The following DMD variants were observed in gnomAD, a reference collection of about 807,000 sequenced individuals.
DMD encodes the protein dystrophin, also known as mutant dystrophin.
Under a neutral mutation model 330.1 loss-of-function variants are expected in DMD, and 63 were observed. The observed-to-expected ratio is 0.19, with a 90% CI of 0.16 to 0.24. DMD has a LOEUF of 0.24. Ranked by LOEUF, DMD falls within the 10% of genes least tolerant of loss-of-function variation. The probability of loss-of-function intolerance (pLI) is 1.00; values close to 1 mark genes in which losing one functional copy is unlikely to be tolerated. For synonymous variants in DMD, 1,223 were observed against 959.8 expected, an observed-to-expected ratio of 1.27 and a Z score of -5.07; for missense variants, 3,344 against 2,684.1, an observed-to-expected ratio of 1.25 and a Z score of -5.43.
chrX:31,289,876 T>C (rs1320614237), intron 62 of DMD, among the ~76,000 whole-genome samples: 3 of 100,074 alleles, frequency 3.0e-5, no homozygotes, highest in Admixed American at 2.2e-4. Flanking sequence ...ATATCAAATA[T>C]AGTCACTTAG....
chrX:32,678,426 C>T (rs2062118132), intron 9 of DMD, among the ~76,000 whole-genome samples: 1 of 111,364 alleles, frequency 9.0e-6, no homozygotes, highest in South Asian at 3.7e-4. Flanking sequence ...TACCTTAAGT[C>T]ACACATTTAG....
chrX:33,307,002 C>A (rs2053773004), intron 1 of DMD, among the ~76,000 whole-genome samples: 1 of 111,479 alleles, frequency 9.0e-6, no homozygotes, highest in East Asian at 2.8e-4. Flanking sequence ...GGACAAAATT[C>A]TTTTAAAGTA....
chrX:32,980,661 G>A (rs1011047981), intron 2 of DMD, among the ~76,000 whole-genome samples: 4 of 110,352 alleles, frequency 3.6e-5, no homozygotes, highest in African/African-American at 6.6e-5. Flanking sequence ...CAAATTTTCC[G>A]AATCATAATA....
At chrX:31,576,146 C>G (rs1361065520) in intron 55 of DMD, among the ~76,000 whole-genome samples, 1 of 111,821 alleles carries the variant, frequency 8.9e-6, no homozygotes, top group Non-Finnish European at 1.9e-5. Flanking sequence ...ACATTATCAT[C>G]AAAGCTAGGA....
Position 32,294,001 on chromosome X carries a change from T to C in DMD, c.6118-6300A>G, listed in dbSNP as rs2097484987. Among the ~76,000 whole-genome samples the C allele has an allele frequency of 8.0e-5, 9 of 111,898 alleles. No individual in the cohort carries two copies. The Admixed American group carries it at 8.5e-4, about 11-fold the overall frequency. Reference sequence around the variant, plus strand: ...CAAGCCTGGAGTCTTGGGTGGAATGTTTAGGGCTACTCCGCTAGCCTGATT... The same window carrying C: ...CAAGCCTGGAGTCTTGGGTGGAATGCTTAGGGCTACTCCGCTAGCCTGATT... On this transcript the variant is annotated intron_variant, in intron 42 of 78. Transcript: ENST00000357033.
chrX:32,412,884 C>A (rs962826716), intron 29 of DMD, among the ~76,000 whole-genome samples: 10 of 110,710 alleles, frequency 9.0e-5, no homozygotes, highest in African/African-American at 2.6e-4. Context: ...AAATACTATA[C>A]TTTTTAAGCT....
chrX:31,961,549 A>G (rs1467231161), intron 45 of DMD, among the ~76,000 whole-genome samples: 1 of 111,477 alleles, frequency 9.0e-6, no homozygotes, highest in Admixed American at 9.6e-5. Flanking sequence ...GGTATGATAC[A>G]TGATATATAC....
chrX:31,680,833 G>A (rs1429712209), intron 52 of DMD, among the ~76,000 whole-genome samples: 1 of 111,476 alleles, frequency 9.0e-6, no homozygotes, highest in Non-Finnish European at 1.9e-5. Flanking sequence ...AAATAAACAG[G>A]ACTACATTAT....
intron 21 of DMD, among the ~76,000 whole-genome samples, chrX:32,480,496 T>TG (rs1477347670): frequency 1.3e-4 from 15 of 111,140 alleles, no homozygotes; most frequent in African/African-American, 4.9e-4. Flanking sequence ...TGTCTACGTG[T>TG]TTATATACAC....
chrX:31,736,702 T>C (rs780916474), intron 51 of DMD, among the ~76,000 whole-genome samples: 40 of 111,690 alleles, frequency 3.6e-4, no homozygotes, highest in Non-Finnish European at 7.3e-4. Context: ...TTTTGTGTAA[T>C]AATACAATGG....
intron 62 of DMD, among the ~76,000 whole-genome samples, chrX:31,283,223 C>CA (rs747428594): frequency 2.7e-5 from 3 of 110,909 alleles, no homozygotes; most frequent in Admixed American, 9.6e-5. Flanking sequence ...TGTTATAATA[C>CA]AAAAAAAGCC....
chrX:32,414,577 C>A (rs2098159076), intron 29 of DMD, among the ~76,000 whole-genome samples: 1 of 111,521 alleles, frequency 9.0e-6, no homozygotes, highest in Admixed American at 9.6e-5. Context: ...AATACCAGTT[C>A]CTAGAATGAA....
At chrX:32,735,609 C>T (rs1268805753) in intron 7 of DMD, among the ~76,000 whole-genome samples, 7 of 110,828 alleles carry the variant, frequency 6.3e-5, no homozygotes, top group Admixed American at 1.9e-4. Context: ...AGAAATAACG[C>T]CGCATATCTA....
intron 34 of DMD, among the ~76,000 whole-genome samples, chrX:32,371,540 C>T (rs1186207453): frequency 9.0e-6 from 1 of 110,920 alleles, no homozygotes; most frequent in Non-Finnish European, 1.9e-5. Flanking sequence ...ATCTTTGATG[C>T]TTAAAACAAA....
At chrX:33,183,802 GAA>G (rs11299041) in intron 1 of DMD, among the ~76,000 whole-genome samples, 2 of 105,963 alleles carry the variant, frequency 1.9e-5, no homozygotes, top group African/African-American at 3.4e-5. Context: ...ACTCAACAAG[GAA>G]AAAAAAAAAC....
chrX:31,990,276 G>T (rs1007332019), intron 44 of DMD, among the ~76,000 whole-genome samples: 3 of 111,260 alleles, frequency 2.7e-5, no homozygotes, highest in South Asian at 3.7e-4. Flanking sequence ...TATTTAAAAG[G>T]TTCTTTTCCT....
chrX:32,501,641 T>A (rs2044063227), intron 19 of DMD, 114 bp downstream of exon 19: 4 of 568,943 alleles, frequency 7.0e-6, no homozygotes, highest in Non-Finnish European at 1.2e-5. Flanking sequence ...AAACACCTTT[T>A]AATTTAAATT....
At chrX:31,833,332 GGGAGA>G (rs2093110091) in intron 49 of DMD, among the ~76,000 whole-genome samples, 1 of 56,980 alleles carries the variant, frequency 1.8e-5, no homozygotes, top group Admixed American at 2.0e-4. Flanking sequence ...GAGGGAGAGA[GGGAGA>G]GAGTGGAGAG....
intron 55 of DMD, among the ~76,000 whole-genome samples, chrX:31,529,316 T>C (rs756034818): frequency 1.1e-3 from 119 of 110,345 alleles, no homozygotes; most frequent in African/African-American, 3.9e-3. Context: ...GCTCAGGAGT[T>C]TGAGGCTGCA....
Sources: gnomAD v4.1 joint callset for allele counts (sites outside exome capture counted in the v4.1 genomes callset) on GRCh38, gnomAD v4.1.1 for gene constraint, MANE v1.5 for transcripts, NCBI Gene and HGNC (gene_info 2026-07-23, HGNC 2026-07-21) for gene names.